TMCC1: variants seen among roughly 807,000 people sequenced by gnomAD.
TMCC1 encodes the protein transmembrane and coiled-coil domains protein 1.
TMCC1 carries 15 observed loss-of-function variants against 52.4 expected under a neutral mutation model. That is an observed-to-expected ratio of 0.29 (90% CI 0.19 to 0.44). TMCC1 has a LOEUF of 0.44. Ranked by LOEUF, TMCC1 falls within the 20% of genes least tolerant of loss-of-function variation. TMCC1 has a pLI of 1.00. For missense variants in TMCC1, 503 were observed against 806.0 expected (o/e 0.62, Z 4.55); for synonymous variants, 279 against 301.9 (o/e 0.92, Z 0.79).
chr3:129,711,234 A>C (rs868741731), intron 4 of TMCC1, among the ~76,000 whole-genome samples: 1 of 152,340 alleles, frequency 6.6e-6, no homozygotes, highest in Non-Finnish European at 1.5e-5. Context: ...CTTGCCGCTT[A>C]ATAAGCATTC....
At chr3:129,775,865 C>A (rs2054996571) in intron 4 of TMCC1, among the ~76,000 whole-genome samples, 1 of 152,190 alleles carries the variant, frequency 6.6e-6, no homozygotes, top group East Asian at 1.9e-4. Flanking sequence ...TAAATCAGAT[C>A]ATCAGATTCC....
At chr3:129,783,061 CA>C (rs1373565528) in intron 4 of TMCC1, among the ~76,000 whole-genome samples, 1 of 152,146 alleles carries the variant, frequency 6.6e-6, no homozygotes, top group African/African-American at 2.4e-5. Context: ...CAAAACTTTA[CA>C]AAGCCAAACA....
chr3:129,784,498 G>A (rs537776253), intron 4 of TMCC1, among the ~76,000 whole-genome samples: 2 of 151,944 alleles, frequency 1.3e-5, no homozygotes, highest in Admixed American at 6.6e-5. Context: ...CCTGGGAGAC[G>A]GAGCTTGCAG....
intron 4 of TMCC1, among the ~76,000 whole-genome samples, chr3:129,777,266 T>C (rs2055114938): frequency 6.6e-6 from 1 of 152,140 alleles, no homozygotes; most frequent in Non-Finnish European, 1.5e-5. Context: ...GCCACTACTA[T>C]AAAGAAAATC....
intron 4 of TMCC1, among the ~76,000 whole-genome samples, chr3:129,748,918 G>A (rs72985344): frequency 0.097 from 14,700 of 151,952 alleles, 832 homozygotes; most frequent in Middle Eastern, 0.16. Flanking sequence ...GCTTGAACCC[G>A]GGAGAAGGAG....
At chr3:129,665,955 C>T (rs1458795503) in intron 5 of TMCC1, among the ~76,000 whole-genome samples, 1 of 152,182 alleles carries the variant, frequency 6.6e-6, no homozygotes, top group African/African-American at 2.4e-5. Context: ...TTGTCACCAT[C>T]ATCATCAAAT....
At chr3:129,864,205 C>T (rs936247468) in intron 2 of TMCC1, among the ~76,000 whole-genome samples, 3 of 152,236 alleles carry the variant, frequency 2.0e-5, no homozygotes, top group Admixed American at 1.3e-4. Context: ...CAGATTGATA[C>T]GAAGTATGGC....
Position 129,651,098 on chromosome 3 carries a change from A to T in TMCC1, c.*383T>A, listed in dbSNP as rs996437097. 2.7e-4 allele frequency: 48 copies of T among 178,844 alleles called. No homozygotes were observed. Among genetic ancestry groups the T allele is most frequent in the African/African-American group, 9.7e-4 (41 of 42,296 alleles). 11.1% of individuals were successfully genotyped at this position (178,844 alleles called of 1,614,324 possible). On this transcript the variant is annotated 3_prime_UTR_variant, in exon 7 of 7. Transcript: ENST00000393238. The surrounding 1 kb of genome is among the most constrained non-coding windows in gnomAD (Gnocchi z 5.1). ...ATGAGCCCAGACAAGGCAGGGTGTT[A>T]GGTTTAACTGGTTTGCCCTCATCAG...
rs183458250 is a variant in TMCC1, at chr3:129,845,472, G to A, written c.-183-12646C>T. On this transcript the variant is annotated intron_variant, in intron 2 of 6. Coordinates refer to ENST00000393238, the MANE Select transcript of TMCC1 (RefSeq NM_001017395.5). The stretch of plus-strand genomic sequence containing the variant: ...ATACTTATCTCAAAATGAAGGTGAG[G>A]AAAGGCATCCAGCTTTCCTCAGAAG... 5.7e-3 allele frequency among the ~76,000 whole-genome samples: 871 copies of A among 152,134 alleles called. 9 individuals are homozygous for A. The highest frequency in any genetic ancestry group is 8.3e-3 in the Non-Finnish European group (561 of 67,994).
At chr3:129,795,522 T>C (rs2056765990) in intron 4 of TMCC1, among the ~76,000 whole-genome samples, 1 of 152,218 alleles carries the variant, frequency 6.6e-6, no homozygotes, top group African/African-American at 2.4e-5. Context: ...ATATGCTACA[T>C]TTAAAGCCTT....
intron 4 of TMCC1, among the ~76,000 whole-genome samples, chr3:129,708,461 C>G (rs1411812675): frequency 6.6e-6 from 1 of 152,144 alleles, no homozygotes; most frequent in Non-Finnish European, 1.5e-5. Flanking sequence ...TTTGCTTTTT[C>G]TTTAACTGAA....
chr3:129,688,778 T>G, intron 4 of TMCC1: 2 of 981,132 alleles, frequency 2.0e-6, no homozygotes, highest in Non-Finnish European at 2.4e-6. Context: ...AGTATCTGCC[T>G]CTCTTCTCCA....
intron 2 of TMCC1, among the ~76,000 whole-genome samples, chr3:129,840,443 TAATTA>T (rs2059374425): frequency 6.6e-6 from 1 of 150,406 alleles, no homozygotes. Context: ...ATACAAACAC[TAATTA>T]ATCAAAAGAA....
At chr3:129,684,105 T>TA (rs1358562548) in intron 4 of TMCC1, among the ~76,000 whole-genome samples, 2 of 152,196 alleles carry the variant, frequency 1.3e-5, no homozygotes, top group Admixed American at 6.5e-5. Flanking sequence ...TGACAAATTG[T>TA]AAAAAATTGC....
chr3:129,863,311 CA>C (rs1364855727), intron 2 of TMCC1, among the ~76,000 whole-genome samples: 1 of 151,954 alleles, frequency 6.6e-6, no homozygotes, highest in African/African-American at 2.4e-5. Flanking sequence ...CTTATTATCC[CA>C]AAGCATGTGA....
chr3:129,748,516 G>C (rs2052196047), intron 4 of TMCC1, among the ~76,000 whole-genome samples: 2 of 152,080 alleles, frequency 1.3e-5, no homozygotes, highest in African/African-American at 4.8e-5. Context: ...TCGAACTCCT[G>C]ACCTCAGGCA....
intron 1 of TMCC1, 106 bp downstream of exon 1, chr3:129,893,388 G>A (rs908490597): frequency 6.6e-6 from 1 of 152,514 alleles, no homozygotes; most frequent in Non-Finnish European, 1.5e-5. Flanking sequence ...GCCCGCGTCC[G>A]CTGCGCCGCC....
At chr3:129,682,634 T>C (rs768003415) in intron 4 of TMCC1, among the ~76,000 whole-genome samples, 24 of 152,140 alleles carry the variant, frequency 1.6e-4, no homozygotes, top group Non-Finnish European at 2.6e-4. Context: ...TAGGTTTAAA[T>C]TCTCAATTGC....
intron 4 of TMCC1, among the ~76,000 whole-genome samples, chr3:129,690,180 G>C (rs1395537870): frequency 6.6e-6 from 1 of 152,064 alleles, no homozygotes; most frequent in Non-Finnish European, 1.5e-5. Context: ...TTTCAAATCA[G>C]TTGTGATTTC....
Sources: allele counts gnomAD v4.1 joint callset (sites outside exome capture counted in the v4.1 genomes callset), GRCh38; gene constraint gnomAD v4.1.1; non-coding constraint Gnocchi (gnomAD v3.1); transcripts MANE v1.5; gene names NCBI Gene and HGNC (gene_info 2026-07-23, HGNC 2026-07-21).